Variants in PCDHGB6 observed in about 807,000 individuals in gnomAD.
The protein encoded by PCDHGB6 is protocadherin gamma subfamily B, 6.
Under a neutral mutation model 59.1 loss-of-function variants are expected in PCDHGB6, and 51 were observed. That is an observed-to-expected ratio of 0.86 (90% CI 0.69 to 1.09). The LOEUF (loss-of-function observed/expected upper bound fraction) is 1.09, where lower values mean the gene tolerates loss of function less well. Ranked by LOEUF, PCDHGB6 falls within the 50% of genes least tolerant of loss-of-function variation. PCDHGB6 has a pLI of 0.00. For synonymous variants in PCDHGB6, 466 were observed against 495.1 expected (o/e 0.94, Z 0.78); for missense variants, 1,148 against 1,205.1 (o/e 0.95, Z 0.70).
chr5:141,433,076 C>G, intron 1 of PCDHGB6: 1 of 1,614,188 alleles, frequency 6.2e-7, no homozygotes, highest in Non-Finnish European at 8.5e-7. Context: ...CTTCCCCCAG[C>G]CCAACTATGC....
rs148995268 is a variant in PCDHGB6, at chr5:141,486,253, C to T, written c.2419-8554C>T. On this transcript the variant is annotated intron_variant, in intron 1 of 3. Coordinates refer to ENST00000520790, the MANE Select transcript of PCDHGB6 (RefSeq NM_018926.3). The surrounding 1 kb of genome is among the most constrained non-coding windows in gnomAD (Gnocchi z 5.0). The stretch of plus-strand genomic sequence containing the variant: ...TGACCTCAGAGCTTGGAACCCTCCC[C>T]GAGAGTGCAGAACCTGGCACTGTGG... 8 of 1,614,020 alleles carry T rather than the reference C, an allele frequency of 5.0e-6. No individual in the cohort carries two copies. The African/African-American group carries it at 8.0e-5, about 16-fold the overall frequency.
chr5:141,505,078 C>G (rs535590642), intron 2 of PCDHGB6, among the ~76,000 whole-genome samples: 81 of 152,298 alleles, frequency 5.3e-4, no homozygotes, highest in African/African-American at 2.0e-3. Flanking sequence ...AGGAGAATCG[C>G]TTGAACCCAG....
Position 141,431,473 on chromosome 5 carries a change from C to G in PCDHGB6, c.2418+20853C>G, listed in dbSNP as rs750300971. ...TGATGGTTCTGGATGCGAACGACAA[C>G]GCACCAGCGTTTGCTCAGCCCGAGT... On this transcript the variant is annotated intron_variant, in intron 1 of 3. Coordinates refer to ENST00000520790, the MANE Select transcript of PCDHGB6 (RefSeq NM_018926.3). This position sits in a 1 kb window ranked among gnomAD's most constrained non-coding sequence, Gnocchi z 4.8. 5.0e-6 allele frequency: 8 copies of G among 1,613,832 alleles called. No homozygotes were observed. The highest frequency in any genetic ancestry group is 1.7e-5 in the Admixed American group (1 of 60,026).
At chr5:141,463,526 A>G (rs989086820) in intron 1 of PCDHGB6, among the ~76,000 whole-genome samples, 1 of 131,914 alleles carries the variant, frequency 7.6e-6, no homozygotes, top group Non-Finnish European at 1.5e-5. Flanking sequence ...TCGGCTTACT[A>G]GAAACTCCGG....
chr5:141,511,351 C>G lies in PCDHGB6; in HGVS notation c.*178C>G, dbSNP rs1190324197. On this transcript the variant is annotated 3_prime_UTR_variant, in exon 4 of 4. Coordinates refer to ENST00000520790, the MANE Select transcript of PCDHGB6 (RefSeq NM_018926.3). The stretch of plus-strand genomic sequence containing the variant: ...CCAGTCAGCACCTACCCCTTCCCCC[C>G]CAGGGGGTTGAATATGCAAAAGCAG... 6 of 1,386,432 alleles carry G rather than the reference C, an allele frequency of 4.3e-6. No individual in the cohort carries two copies. The highest frequency in any genetic ancestry group is 2.9e-5 in the African/African-American group (2 of 68,574). The allele number at this position is 1,386,432 out of a possible 1,614,324, so 85.9% of individuals were successfully genotyped here.
intron 1 of PCDHGB6, among the ~76,000 whole-genome samples, chr5:141,460,256 C>T (rs1315761341): frequency 6.6e-6 from 1 of 151,704 alleles, no homozygotes; most frequent in Admixed American, 6.6e-5. Context: ...TTGATAAAGC[C>T]CAATTTATTT....
Position 141,477,656 on chromosome 5 carries a change from C to T in PCDHGB6, c.2419-17151C>T, listed in dbSNP as rs755621234. The T allele has an allele frequency of 1.9e-6, 3 of 1,614,184 alleles. No homozygotes were observed. The South Asian group carries it at 3.3e-5, about 18-fold the overall frequency. ...AGTGGGTCGCTATTTCACAATAAATCGTGACAATGGCATAGTGTCATCCTT... is the reference window on the plus strand; with the variant it reads ...AGTGGGTCGCTATTTCACAATAAATTGTGACAATGGCATAGTGTCATCCTT... On this transcript the variant is annotated intron_variant, in intron 1 of 3. Transcript: ENST00000520790. The surrounding 1 kb of genome is among the most constrained non-coding windows in gnomAD (Gnocchi z 4.9).
chr5:141,505,413 C>T lies in PCDHGB6; in HGVS notation c.2498C>T (p.Thr833Ile), dbSNP rs1240988786. ...CCCAGCTCCCAAAATGGCGATGACA[C>T]CGGCACCTGGCCCAACAACCAGTTT... is the stretch of plus-strand genomic sequence containing the variant. ...GTSGSQNGDD[T>I]GTWPNNQFDT... Residue 833 changes from threonine to isoleucine, a missense_variant, in exon 3 of 4, where the codon ACC becomes ATC. By Grantham distance (89) the Thr-to-Ile change is moderately conservative. Around this residue, in one of 5 missense-constraint regions of PCDHGB6, gnomAD observed 283 missense variants for 318.6 expected, o/e 0.89. Coordinates refer to ENST00000520790, the MANE Select transcript of PCDHGB6 (RefSeq NM_018926.3). 10 of 1,614,202 alleles carry T rather than the reference C, an allele frequency of 6.2e-6. No homozygotes were observed. Among genetic ancestry groups the T allele is most frequent in the Non-Finnish European group, 7.6e-6 (9 of 1,180,046 alleles).
chr5:141,415,045 G>T, intron 1 of PCDHGB6: 1 of 1,613,538 alleles, frequency 6.2e-7, no homozygotes, highest in East Asian at 2.2e-5. Context: ...CTTCGCGGTG[G>T]GGGAGCACAC....
chr5:141,502,383 G>A (rs941410477), intron 2 of PCDHGB6, among the ~76,000 whole-genome samples: 2 of 151,846 alleles, frequency 1.3e-5, no homozygotes, highest in African/African-American at 4.8e-5. Context: ...CAGGCCAGTT[G>A]TACTTTAAAA....
At chr5:141,457,631 G>C (rs540600166) in intron 1 of PCDHGB6, among the ~76,000 whole-genome samples, 1 of 152,282 alleles carries the variant, frequency 6.6e-6, no homozygotes, top group African/African-American at 2.4e-5. Flanking sequence ...TCTTATACTT[G>C]GCCTGATTAT....
intron 3 of PCDHGB6, chr5:141,507,010 G>A (rs371780810): frequency 1.3e-5 from 2 of 152,324 alleles, no homozygotes; most frequent in East Asian, 1.9e-4. Flanking sequence ...TGAGAGAACC[G>A]AGAAGGCACT....
At chr5:141,422,747 C>T (rs1381295469) in intron 1 of PCDHGB6, 2 of 1,611,224 alleles carry the variant, frequency 1.2e-6, no homozygotes, top group Non-Finnish European at 1.7e-6. Context: ...TCCTATGTCT[C>T]TATTAACTCC....
In PCDHGB6 at chr5:141,432,670, G is replaced by C; in HGVS notation, c.2418+22050G>C. On this transcript the variant is annotated intron_variant, in intron 1 of 3. Transcript: ENST00000520790. The surrounding 1 kb of genome is among the most constrained non-coding windows in gnomAD (Gnocchi z 6.0). ...CGCGAGCCCTGCTGGACAGAGACGCGCTCAAGCAGAGCCTCGTAGTGGCCG... is the reference window on the plus strand; with the variant it reads ...CGCGAGCCCTGCTGGACAGAGACGCCCTCAAGCAGAGCCTCGTAGTGGCCG... 1 of 1,613,868 alleles carries C rather than the reference G, an allele frequency of 6.2e-7. No homozygotes were observed. The highest frequency in any genetic ancestry group is 8.5e-7 in the Non-Finnish European group (1 of 1,179,940).
At chr5:141,501,328 CA>C (rs1446948770) in intron 2 of PCDHGB6, among the ~76,000 whole-genome samples, 83 of 151,828 alleles carry the variant, frequency 5.5e-4, no homozygotes, top group Admixed American at 2.2e-3. Context: ...CACACACACA[CA>C]CACACCCCAA....
rs2099391466 is a variant in PCDHGB6, at chr5:141,476,424, C to T, written c.2419-18383C>T. ...GAGGAGCTGTGTGGGACACTGCCCT[C>T]TTGCACTGTAACTCTGGAGTTGGTA... is the stretch of plus-strand genomic sequence containing the variant. On this transcript the variant is annotated intron_variant, in intron 1 of 3. Coordinates refer to ENST00000520790, the MANE Select transcript of PCDHGB6 (RefSeq NM_018926.3). This position sits in a 1 kb window ranked among gnomAD's most constrained non-coding sequence, Gnocchi z 7.6. 1 of 1,613,978 alleles carries T rather than the reference C, an allele frequency of 6.2e-7. No individual in the cohort carries two copies. The highest frequency in any genetic ancestry group is 1.1e-5 in the South Asian group (1 of 91,076).
Position 141,478,516 on chromosome 5 carries a change from G to A in PCDHGB6, c.2419-16291G>A, listed in dbSNP as rs769702987. The A allele has an allele frequency of 4.3e-6, 7 of 1,610,992 alleles. No homozygotes were observed. In the African/African-American group the frequency reaches 8.0e-5, roughly 18 times the overall value. ...GTGATCCGGTGTTCTATAGGCAGGT[G>A]TTGGGTGCAGAGAGCGCCCCTCCCG... On this transcript the variant is annotated intron_variant, in intron 1 of 3. Transcript: ENST00000520790.
chr5:141,413,483 G>A (rs2095646690), intron 1 of PCDHGB6: 1 of 1,614,080 alleles, frequency 6.2e-7, no homozygotes, highest in East Asian at 2.2e-5. Flanking sequence ...TGCGCTCAGA[G>A]CGCGCGGTGC....
chr5:141,491,966 G>A lies in PCDHGB6; in HGVS notation c.2419-2841G>A. 1.1e-6 allele frequency: 1 copy of A among 943,066 alleles called. No individual in the cohort carries two copies. Among genetic ancestry groups the A allele is most frequent in the Non-Finnish European group, 1.5e-6 (1 of 669,210 alleles). The allele number at this position is 943,066 out of a possible 1,614,324, so 58.4% of individuals were successfully genotyped here. On this transcript the variant is annotated intron_variant, in intron 1 of 3. Coordinates refer to ENST00000520790, the MANE Select transcript of PCDHGB6 (RefSeq NM_018926.3). The surrounding 1 kb of genome is among the most constrained non-coding windows in gnomAD (Gnocchi z 6.9). ...CCACCCCTACACTCAAAAAAGGCCG[G>A]GGCCTCCTTCGAGCTTCCGGTGAAT...
Sources: gnomAD v4.1 joint callset for allele counts (sites outside exome capture counted in the v4.1 genomes callset) on GRCh38, gnomAD v4.1.1 for gene constraint, gnomAD v4.1.1 regional missense constraint, Gnocchi (gnomAD v3.1) non-coding constraint, MANE v1.5 for transcripts, NCBI Gene and HGNC (gene_info 2026-07-23, HGNC 2026-07-21) for gene names.